ATP6V0A1: variants seen among roughly 807,000 people sequenced by gnomAD.
ATP6V0A1 encodes V-type proton ATPase 116 kDa subunit a 1.
ATP6V0A1 carries 43 observed loss-of-function variants against 105.4 expected under a neutral mutation model. The observed-to-expected ratio is 0.41, with a 90% CI of 0.32 to 0.53. The LOEUF (loss-of-function observed/expected upper bound fraction) is 0.53, where lower values mean the gene tolerates loss of function less well. Ranked by LOEUF, ATP6V0A1 falls within the 20% of genes least tolerant of loss-of-function variation. The probability of loss-of-function intolerance (pLI) is 0.30; values close to 1 mark genes in which losing one functional copy is unlikely to be tolerated. For synonymous variants in ATP6V0A1, 362 were observed against 372.8 expected (o/e 0.97, Z 0.33); for missense variants, 676 against 1,051.1 (o/e 0.64, Z 4.93).
chr17:42,483,185 C>G, intron 9 of ATP6V0A1, 54 bp downstream of exon 9: 1 of 1,308,118 alleles, frequency 7.6e-7, no homozygotes, highest in Non-Finnish European at 1.0e-6. Flanking sequence ...AATACGAGAC[C>G]ATTATCCTTC....
chr17:42,462,805 G>A (rs1003282785), intron 2 of ATP6V0A1, among the ~76,000 whole-genome samples: 1 of 151,190 alleles, frequency 6.6e-6, no homozygotes, highest in Non-Finnish European at 1.5e-5. Flanking sequence ...AGAGATGGGG[G>A]TCTCGCCATG....
chr17:42,477,465 A>G (rs1181556188), intron 5 of ATP6V0A1, among the ~76,000 whole-genome samples, 195 bp from the exon 6 acceptor site: 1 of 151,852 alleles, frequency 6.6e-6, no homozygotes, highest in Non-Finnish European at 1.5e-5. Flanking sequence ...CTTTACCTCA[A>G]ATTTATTTTC....
intron 15 of ATP6V0A1, among the ~76,000 whole-genome samples, chr17:42,499,343 C>CG (rs771514838): frequency 2.0e-5 from 3 of 151,846 alleles, no homozygotes; most frequent in Non-Finnish European, 4.4e-5. Context: ...TAGTGGCACG[C>CG]GCCTATATTC....
intron 21 of ATP6V0A1, among the ~76,000 whole-genome samples, chr17:42,515,191 G>T (rs1034234461): frequency 6.6e-6 from 1 of 152,062 alleles, no homozygotes; most frequent in Non-Finnish European, 1.5e-5. Context: ...GTTTGGCTGG[G>T]CACGGTGGCT....
In ATP6V0A1 at chr17:42,522,440, C is replaced by CG. The variant is rs2092852391; in HGVS notation, c.*1320_*1321insG. 1 of 152,752 alleles carries CG rather than the reference C, an allele frequency of 6.5e-6. No individual in the cohort carries two copies. The highest frequency in any genetic ancestry group is 2.4e-5 in the African/African-American group (1 of 41,442). The allele number at this position is 152,752 out of a possible 1,614,324, so 9.5% of individuals were successfully genotyped here. A position where few individuals can be genotyped will look rare whatever the true frequency, so the allele number is the denominator to read the frequency against. On this transcript the variant is annotated 3_prime_UTR_variant, in exon 22 of 22. Transcript: ENST00000343619. ...ACCTGACCCGACCTTGTGCAGCCCC[C>CG]CTGCCCTGGTGTCCTGGGTTTTCGT... is the stretch of plus-strand genomic sequence containing the variant.
chr17:42,477,051 G>A (rs1214366677), intron 5 of ATP6V0A1, among the ~76,000 whole-genome samples: 2 of 152,094 alleles, frequency 1.3e-5, no homozygotes, highest in South Asian at 2.1e-4. Context: ...ATTTTAAAGG[G>A]GCTGGAAACG....
chr17:42,470,357 A>G lies in ATP6V0A1; in HGVS notation c.423+139A>G, dbSNP rs9902359. 595 of 1,013,364 alleles carry G rather than the reference A, an allele frequency of 5.9e-4. 2 individuals carry two copies. The African/African-American group carries it at 8.6e-3, about 15-fold the overall frequency. 62.8% of individuals were successfully genotyped at this position (1,013,364 alleles called of 1,614,324 possible). On this transcript the variant is annotated intron_variant, in intron 5 of 21. Coordinates refer to ENST00000343619, the MANE Select transcript of ATP6V0A1 (RefSeq NM_001130021.3). ...TTTGCACCCTGTTTTAGTTACAGAA[A>G]TGTGAGATTATGTTCCATTTTTCAT...
At position 42,494,240 on chromosome 17, in the gene ATP6V0A1, A is replaced by T. The variant is rs149445720; in HGVS notation, c.1175-94A>T. ...CAGAGCAAGACTCCATCTCAAAAAAAAAAAGGGGGGTGGGTATGGAAAAGA... is the reference window on the plus strand; with the variant it reads ...CAGAGCAAGACTCCATCTCAAAAAATAAAAGGGGGGTGGGTATGGAAAAGA... On this transcript the variant is annotated intron_variant, in intron 11 of 21. Coordinates refer to ENST00000343619, the MANE Select transcript of ATP6V0A1 (RefSeq NM_001130021.3). 24 of 1,328,958 alleles carry T rather than the reference A, an allele frequency of 1.8e-5. No individual in the cohort carries two copies. In the African/African-American group the frequency reaches 3.4e-4, roughly 19 times the overall value. The allele number at this position is 1,328,958 out of a possible 1,614,324, so 82.3% of individuals were successfully genotyped here. A position where few individuals can be genotyped will look rare whatever the true frequency, so the allele number is the denominator to read the frequency against.
At chr17:42,475,627 C>A (rs374873255) in intron 5 of ATP6V0A1, among the ~76,000 whole-genome samples, 41 of 152,240 alleles carry the variant, frequency 2.7e-4, no homozygotes, top group African/African-American at 9.4e-4. Context: ...AGATCAGACA[C>A]CCCTGCTCTA....
chr17:42,485,000 C>T (rs748665420), intron 9 of ATP6V0A1, among the ~76,000 whole-genome samples: 2 of 152,082 alleles, frequency 1.3e-5, no homozygotes, highest in African/African-American at 2.4e-5. Context: ...CAGATGCCTG[C>T]CACCATACCT....
At chr17:42,475,652 T>G (rs952685948) in intron 5 of ATP6V0A1, among the ~76,000 whole-genome samples, 11 of 152,210 alleles carry the variant, frequency 7.2e-5, no homozygotes, top group Admixed American at 3.9e-4. Context: ...TTAGATACTT[T>G]CAACCACATG....
Position 42,480,727 on chromosome 17 carries a change from A to G in ATP6V0A1, c.694A>G (p.Arg232Gly). ...CTTCCAAGGCGATCAGCTGAAAAAC[A>G]GAGTCAAGAAAATCTGTGAAGGGTA... ...IFFQGDQLKNRVKKICEGFRA... is the reference protein window; with the variant it reads ...IFFQGDQLKNGVKKICEGFRA... Residue 232 changes from arginine to glycine, a missense_variant, in exon 8 of 22, where the codon AGA becomes GGA. Physicochemically the swap from Arg to Gly is moderately radical, Grantham distance 125. Coordinates refer to ENST00000343619, the MANE Select transcript of ATP6V0A1 (RefSeq NM_001130021.3). 1 of 1,613,902 alleles carries G rather than the reference A, an allele frequency of 6.2e-7. No homozygotes were observed.
At chr17:42,516,387 C>T (rs2092626725) in intron 21 of ATP6V0A1, among the ~76,000 whole-genome samples, 1 of 152,162 alleles carries the variant, frequency 6.6e-6, no homozygotes, top group Non-Finnish European at 1.5e-5. Context: ...ACCTGGCTTC[C>T]TCTGGCCTGG....
chr17:42,486,210 A>C (rs2090091649), intron 9 of ATP6V0A1, among the ~76,000 whole-genome samples: 2 of 152,124 alleles, frequency 1.3e-5, no homozygotes, highest in Admixed American at 1.3e-4. Flanking sequence ...CAGGAGTTCG[A>C]GACCAGCCTG....
intron 11 of ATP6V0A1, among the ~76,000 whole-genome samples, chr17:42,493,992 C>T (rs2090916966): frequency 1.3e-5 from 2 of 152,054 alleles, no homozygotes; most frequent in South Asian, 4.2e-4. Context: ...GCCTGTAATG[C>T]CAGCACTTTG....
chr17:42,508,271 A>G (rs2092148873), intron 18 of ATP6V0A1, among the ~76,000 whole-genome samples: 1 of 152,236 alleles, frequency 6.6e-6, no homozygotes, highest in Non-Finnish European at 1.5e-5. Flanking sequence ...TTTTAAAGCA[A>G]ATAAAATAGG....
At chr17:42,502,335 A>G (rs1249389492) in intron 17 of ATP6V0A1, among the ~76,000 whole-genome samples, 1 of 152,242 alleles carries the variant, frequency 6.6e-6, no homozygotes, top group East Asian at 1.9e-4. Flanking sequence ...CAGGACTGAC[A>G]TTGAGACATT....
chr17:42,468,496 A>T (rs369111794), intron 4 of ATP6V0A1, among the ~76,000 whole-genome samples: 2 of 152,118 alleles, frequency 1.3e-5, no homozygotes, highest in East Asian at 3.9e-4. Context: ...ATCTAACTGT[A>T]TGTTTGTCCA....
intron 2 of ATP6V0A1, among the ~76,000 whole-genome samples, chr17:42,464,420 TG>T (rs1184772489): frequency 2.6e-5 from 4 of 152,100 alleles, no homozygotes; most frequent in Non-Finnish European, 5.9e-5. Context: ...TTCTTTTTTT[TG>T]AGACTGAGTC....
Sources: gnomAD v4.1 joint callset for allele counts (sites outside exome capture counted in the v4.1 genomes callset) on GRCh38, gnomAD v4.1.1 for gene constraint, MANE v1.5 for transcripts, NCBI Gene and HGNC (gene_info 2026-07-23, HGNC 2026-07-21) for gene names.